The following TAFA5 variants were observed in gnomAD, a reference collection of about 807,000 sequenced individuals.
TAFA5 encodes chemokine-like protein TAFA-5.
In TAFA5, 6 loss-of-function variants were observed where a neutral mutation model predicts 15.3. That is an observed-to-expected ratio of 0.39 (90% confidence interval 0.21 to 0.77). TAFA5 has a LOEUF of 0.77. Among genes scored for constraint, TAFA5 ranks in the 30% least tolerant of loss-of-function variants. The probability of loss-of-function intolerance (pLI) is 0.41; values close to 1 mark genes in which losing one functional copy is unlikely to be tolerated. For synonymous variants in TAFA5, 103 were observed against 80.7 expected, an observed-to-expected ratio of 1.28 and a Z score of -1.48; for missense variants, 161 against 193.1, an observed-to-expected ratio of 0.83 and a Z score of 0.98.
At position 48,638,931 on chromosome 22, in the gene TAFA5, A is replaced by C. The variant is rs1926573239; in HGVS notation, c.113-7666A>C. Among the ~76,000 whole-genome samples, 6 of 26,424 alleles carry C rather than the reference A, an allele frequency of 2.3e-4. 1 individual carries two copies. Among genetic ancestry groups the C allele is most frequent in the African/African-American group, 5.1e-4 (1 of 1,980 alleles). The allele number at this position is 26,424 out of a possible 152,430, so 17.3% of individuals were successfully genotyped here. ...CCGACACTAAGCCCTGGGTCACCGC[A>C]CACGGGGGGACCCCGACACTAAGCC... On this transcript the variant is annotated intron_variant, in intron 1 of 3. Transcript: ENST00000402357.
At chr22:48,722,279 C>T (rs1244977053) in intron 3 of TAFA5, among the ~76,000 whole-genome samples, 1 of 152,094 alleles carries the variant, frequency 6.6e-6, no homozygotes, top group African/African-American at 2.4e-5. Flanking sequence ...GCACCGTTCA[C>T]GATAGCAAAG....
At chr22:48,652,011 T>C (rs1927072488) in intron 2 of TAFA5, among the ~76,000 whole-genome samples, 1 of 152,214 alleles carries the variant, frequency 6.6e-6, no homozygotes, top group Non-Finnish European at 1.5e-5. Context: ...TTGACCGTCA[T>C]CATGCCTAGC....
At chr22:48,721,481 C>CA (rs1215584333) in intron 3 of TAFA5, among the ~76,000 whole-genome samples, 1 of 152,190 alleles carries the variant, frequency 6.6e-6, no homozygotes, top group East Asian at 1.9e-4. Context: ...AACTGATTGG[C>CA]AGAAGGTGCT....
Position 48,489,662 on chromosome 22 carries a change from TG to T in TAFA5, c.73del (p.Ala25ArgfsTer3). On this transcript the variant is annotated frameshift_variant, in exon 1 of 4. Transcript: ENST00000402357. LOFTEE classifies it high-confidence loss of function. The surrounding 1 kb of genome is among the most constrained non-coding windows in gnomAD (Gnocchi z 5.5). ...TALPSMSSTF[W>X]AFMILASLLI... ...CCTGCCCAGCATGTCCTCAACTTTC[TG>T]GGCGTTCATGATCCTGGCCAGCCTG... 6.5e-7 allele frequency: 1 copy of T among 1,531,354 alleles called. No homozygotes were observed. Among genetic ancestry groups the T allele is most frequent in the Non-Finnish European group, 8.8e-7 (1 of 1,139,472 alleles). The allele number at this position is 1,531,354 out of a possible 1,614,324, so 94.9% of individuals were successfully genotyped here.
rs74794524 is a variant in TAFA5, at chr22:48,675,200, C to T, written c.262+28454C>T. ...CAGGTGATCCACCCACCTCGGCCTC[C>T]GAAGCTCTGTGGCCTTTTAAGAAAA... On this transcript the variant is annotated intron_variant, in intron 2 of 3. Coordinates refer to ENST00000402357, the MANE Select transcript of TAFA5 (RefSeq NM_001082967.3). Among the ~76,000 whole-genome samples, 447 of 152,316 alleles carry T rather than the reference C, an allele frequency of 2.9e-3. 14 individuals carry two copies. The East Asian group carries it at 0.066, about 22-fold the overall frequency.
chr22:48,700,320 G>C (rs1601682655), intron 2 of TAFA5, among the ~76,000 whole-genome samples: 1 of 152,128 alleles, frequency 6.6e-6, no homozygotes, highest in South Asian at 2.1e-4. Context: ...AAGCTAGCAG[G>C]TGGGGTGGGG....
chr22:48,730,322 G>A (rs1339285827), intron 3 of TAFA5, among the ~76,000 whole-genome samples: 4 of 151,916 alleles, frequency 2.6e-5, no homozygotes, highest in African/African-American at 7.3e-5. Flanking sequence ...GGAGGTGGAG[G>A]TTACAGTGAG....
intron 1 of TAFA5, among the ~76,000 whole-genome samples, chr22:48,504,521 G>A (rs573006363): frequency 7.2e-6 from 1 of 139,178 alleles, no homozygotes; most frequent in South Asian, 2.1e-4. Context: ...CCGTGAGTCC[G>A]GGCACCTTGC....
In TAFA5 at chr22:48,550,075, CG is replaced by C. The variant is rs1284720897; in HGVS notation, c.112+60372del. 6.6e-6 allele frequency among the ~76,000 whole-genome samples: 1 copy of C among 152,190 alleles called. No homozygotes were observed. The highest frequency in any genetic ancestry group is 1.5e-5 in the Non-Finnish European group (1 of 68,032). ...CAGTAACTGAGAACATTAAGTGACT[CG>C]TATGTGGCAAAGCTGGCCTGTATCA... On this transcript the variant is annotated intron_variant, in intron 1 of 3. Coordinates refer to ENST00000402357, the MANE Select transcript of TAFA5 (RefSeq NM_001082967.3). This position sits in a 1 kb window ranked among gnomAD's most constrained non-coding sequence, Gnocchi z 4.1.
chr22:48,631,808 T>TG (rs1304732192), intron 1 of TAFA5, among the ~76,000 whole-genome samples: 2 of 152,024 alleles, frequency 1.3e-5, no homozygotes, highest in African/African-American at 4.8e-5. Context: ...TGCGTGGCCG[T>TG]GTGGGAAGGA....
chr22:48,727,328 CAG>C (rs975403478), intron 3 of TAFA5, among the ~76,000 whole-genome samples: 5 of 152,116 alleles, frequency 3.3e-5, no homozygotes, highest in East Asian at 1.9e-4. Flanking sequence ...GTAAAACTAA[CAG>C]AGGCTGTGGG....
chr22:48,680,838 C>T (rs130098), intron 2 of TAFA5, among the ~76,000 whole-genome samples: 72,551 of 152,136 alleles, frequency 0.48, 18,636 homozygotes, highest in Non-Finnish European at 0.6. Flanking sequence ...ACTGTGCCAC[C>T]GTCCAGTGCT....
intron 2 of TAFA5, among the ~76,000 whole-genome samples, chr22:48,650,617 C>T (rs1034125312): frequency 3.3e-5 from 5 of 152,292 alleles, no homozygotes; most frequent in South Asian, 2.1e-4. Flanking sequence ...CCAGCCTCCC[C>T]GGCCTTGTCT....
chr22:48,716,483 AC>A (rs1929404783), intron 3 of TAFA5, among the ~76,000 whole-genome samples: 1 of 152,178 alleles, frequency 6.6e-6, no homozygotes, highest in Non-Finnish European at 1.5e-5. Context: ...ACACATGGAC[AC>A]CAGGAGGGGA....
At position 48,621,656 on chromosome 22, in the gene TAFA5, C is replaced by T. The variant is rs555153868; in HGVS notation, c.113-24941C>T. On this transcript the variant is annotated intron_variant, in intron 1 of 3. Coordinates refer to ENST00000402357, the MANE Select transcript of TAFA5 (RefSeq NM_001082967.3). Reference sequence around the variant, plus strand: ...TGTGGCCGCAGAGTGGCCCAGCCTGCGGCATCAGGAGAGCCCAGGCCCGTG... The same window carrying T: ...TGTGGCCGCAGAGTGGCCCAGCCTGTGGCATCAGGAGAGCCCAGGCCCGTG... Among the ~76,000 whole-genome samples the T allele has an allele frequency of 3.3e-4, 51 of 152,280 alleles. No homozygotes were observed. The Middle Eastern group carries it at 0.014, about 41-fold the overall frequency.
chr22:48,622,950 G>C (rs116790512), intron 1 of TAFA5, among the ~76,000 whole-genome samples: 1 of 152,232 alleles, frequency 6.6e-6, no homozygotes, highest in Non-Finnish European at 1.5e-5. Context: ...CCCAATGCTC[G>C]CTTCCTTGTT....
At position 48,635,179 on chromosome 22, in the gene TAFA5, T is replaced by TGGGGCCAGAGAGC. The variant is rs1425379411; in HGVS notation, c.113-11417_113-11405dup. On this transcript the variant is annotated intron_variant, in intron 1 of 3. Transcript: ENST00000402357. ...AGAGCTCCGTCCACCTAGCACCAGC[T>TGGGGCCAGAGAGC]GGGGCCAGAGAGCAGGGCCAGCCTG... Among the ~76,000 whole-genome samples, 6 of 152,282 alleles carry TGGGGCCAGAGAGC rather than the reference T, an allele frequency of 3.9e-5. No individual in the cohort carries two copies. The South Asian group carries it at 1.2e-3, about 32-fold the overall frequency.
At chr22:48,727,611 A>G (rs148766003) in intron 3 of TAFA5, among the ~76,000 whole-genome samples, 12 of 152,366 alleles carry the variant, frequency 7.9e-5, no homozygotes, top group African/African-American at 2.9e-4. Context: ...CTATCAGTGA[A>G]GACAATAAAT....
intron 1 of TAFA5, among the ~76,000 whole-genome samples, chr22:48,600,364 G>A (rs1009917190): frequency 1.3e-5 from 2 of 152,206 alleles, no homozygotes; most frequent in African/African-American, 2.4e-5. Flanking sequence ...TCCTACTTGC[G>A]CAGGTCCAGC....
Sources: gnomAD v4.1 joint callset for allele counts (sites outside exome capture counted in the v4.1 genomes callset) on GRCh38, gnomAD v4.1.1 for gene constraint, Gnocchi (gnomAD v3.1) non-coding constraint, MANE v1.5 for transcripts, NCBI Gene and HGNC (gene_info 2026-07-23, HGNC 2026-07-21) for gene names.